Variants in LEMD3 observed in about 807,000 individuals in gnomAD.
LEMD3 encodes the protein inner nuclear membrane protein Man1.
LEMD3 carries 33 observed loss-of-function variants against 95.2 expected under a neutral mutation model. The observed-to-expected ratio is 0.35, with a 90% CI of 0.26 to 0.46. The LOEUF is 0.46. LEMD3 is among the 20% of genes least tolerant of loss of function. The pLI is 1.00. For synonymous variants in LEMD3, 525 were observed against 474.6 expected (o/e 1.11, Z -1.38); for missense variants, 1,210 against 1,192.8 (o/e 1.01, Z -0.21).
chr12:65,209,205 A>G (rs902313018), intron 1 of LEMD3, among the ~76,000 whole-genome samples: 1 of 152,180 alleles, frequency 6.6e-6, no homozygotes, highest in Non-Finnish European at 1.5e-5. Flanking sequence ...TGTGGTGAAC[A>G]TTGATAATTT....
At chr12:65,202,630 A>G (rs1352809503) in intron 1 of LEMD3, among the ~76,000 whole-genome samples, 1 of 152,178 alleles carries the variant, frequency 6.6e-6, no homozygotes, top group East Asian at 1.9e-4. Context: ...AAGATATTGT[A>G]GAGAATTGGT....
At chr12:65,215,942 A>G (rs752834456) in intron 2 of LEMD3, 35 bp from the exon 3 acceptor site, 1 of 839,426 alleles carries the variant, frequency 1.2e-6, no homozygotes, top group South Asian at 1.9e-5. Context: ...TTTTCTTGTA[A>G]TTGGGTATTT....
At chr12:65,214,034 A>C (rs1163447571) in intron 2 of LEMD3, among the ~76,000 whole-genome samples, 1 of 152,190 alleles carries the variant, frequency 6.6e-6, no homozygotes. Flanking sequence ...ATGTATCACA[A>C]ATGCTTAGGT....
intron 4 of LEMD3, among the ~76,000 whole-genome samples, chr12:65,221,541 T>C (rs1233223456): frequency 6.6e-6 from 1 of 151,914 alleles, no homozygotes; most frequent in East Asian, 1.9e-4. Flanking sequence ...ATTTTTTTGG[T>C]GAAATCTTTA....
Position 65,202,098 on chromosome 12 carries a change from T to G in LEMD3, c.1523-8828T>G, listed in dbSNP as rs142687344. ...GCAATCTCGGCTCACTGCAACTTTT[T>G]CCTTCCAGGTTCAAGCAATTCTCCT... On this transcript the variant is annotated intron_variant, in intron 1 of 12. Coordinates refer to ENST00000308330, the MANE Select transcript of LEMD3 (RefSeq NM_014319.5). 5.1e-3 allele frequency among the ~76,000 whole-genome samples: 771 copies of G among 151,748 alleles called. 5 individuals carry two copies. Among genetic ancestry groups the G allele is most frequent in the African/African-American group, 0.017 (696 of 41,394 alleles).
At chr12:65,199,228 A>T (rs897239808) in intron 1 of LEMD3, among the ~76,000 whole-genome samples, 1 of 152,102 alleles carries the variant, frequency 6.6e-6, no homozygotes, top group Non-Finnish European at 1.5e-5. Context: ...TGAGTTGTGG[A>T]TGCTCTATAA....
rs536169661 is a variant in LEMD3 at position 65,191,799 on chromosome 12, C to T, written c.1523-19127C>T. On this transcript the variant is annotated intron_variant, in intron 1 of 12. Coordinates refer to ENST00000308330, the MANE Select transcript of LEMD3 (RefSeq NM_014319.5). ...AATTAGCTGGACGTGGTGGTGCATG[C>T]CTGTGGTCCCGGTTACTCAGAAGGC... 2.8e-4 allele frequency among the ~76,000 whole-genome samples: 43 copies of T among 151,910 alleles called. No homozygotes were observed. The South Asian group carries it at 8.3e-3, about 29-fold the overall frequency.
intron 2 of LEMD3, among the ~76,000 whole-genome samples, chr12:65,212,772 ATTTAC>A (rs1869981702): frequency 6.6e-6 from 1 of 152,194 alleles, no homozygotes; most frequent in Non-Finnish European, 1.5e-5. Context: ...TATTTTATGT[ATTTAC>A]TTGTGGAACT....
chr12:65,180,980 A>G (rs1027330551), intron 1 of LEMD3, among the ~76,000 whole-genome samples: 3 of 151,022 alleles, frequency 2.0e-5, no homozygotes, highest in Non-Finnish European at 4.4e-5. Context: ...ATATCTGAGT[A>G]TGTACACAAA....
At chr12:65,194,623 A>G (rs1207914287) in intron 1 of LEMD3, among the ~76,000 whole-genome samples, 1 of 152,022 alleles carries the variant, frequency 6.6e-6, no homozygotes. Flanking sequence ...CTTAGGCTCT[A>G]CAATACTGAT....
intron 1 of LEMD3, among the ~76,000 whole-genome samples, chr12:65,197,661 A>G (rs1005857596): frequency 9.2e-5 from 14 of 152,136 alleles, no homozygotes; most frequent in Admixed American, 4.6e-4. Context: ...CCAAACATAT[A>G]TATCAGTTTT....
Position 65,201,160 on chromosome 12 carries a change from G to A in LEMD3, c.1523-9766G>A, listed in dbSNP as rs919595164. Among the ~76,000 whole-genome samples the A allele has an allele frequency of 2.6e-5, 4 of 152,112 alleles. No homozygotes were observed. In the South Asian group the frequency reaches 8.3e-4, roughly 32 times the overall value. On this transcript the variant is annotated intron_variant, in intron 1 of 12. Transcript: ENST00000308330. ...TCTGTTCTGTTTCACTGATCTTTTT[G>A]TCTGTTCTTTTACCAATACCACACT...
chr12:65,238,926 A>C (rs1313372243), intron 6 of LEMD3, 112 bp downstream of exon 6: 3 of 936,282 alleles, frequency 3.2e-6, no homozygotes, highest in Non-Finnish European at 5.2e-6. Flanking sequence ...CATAAGTCAC[A>C]GCTAGATGTC....
intron 4 of LEMD3, among the ~76,000 whole-genome samples, chr12:65,231,036 A>G (rs1423023604): frequency 6.6e-6 from 1 of 152,066 alleles, no homozygotes; most frequent in Non-Finnish European, 1.5e-5. Context: ...TTTATGTTTC[A>G]TATTCGGTTT....
At chr12:65,195,480 G>C (rs1869401723) in intron 1 of LEMD3, among the ~76,000 whole-genome samples, 2 of 151,696 alleles carry the variant, frequency 1.3e-5, no homozygotes, top group African/African-American at 4.8e-5. Context: ...AAAGACTGAA[G>C]ATTTTTTATT....
At chr12:65,201,842 C>G (rs1339870802) in intron 1 of LEMD3, among the ~76,000 whole-genome samples, 1 of 152,070 alleles carries the variant, frequency 6.6e-6, no homozygotes, top group African/African-American at 2.4e-5. Context: ...ACAAGACATC[C>G]TTGCTTCATT....
chr12:65,173,972 T>C (rs1868635592), intron 1 of LEMD3, among the ~76,000 whole-genome samples: 1 of 152,176 alleles, frequency 6.6e-6, no homozygotes, highest in East Asian at 1.9e-4. Context: ...TACATACACG[T>C]ATTCCATATC....
chr12:65,227,085 G>T (rs1390284683), intron 4 of LEMD3, among the ~76,000 whole-genome samples: 5 of 152,114 alleles, frequency 3.3e-5, no homozygotes, highest in Non-Finnish European at 7.4e-5. Context: ...ATGATTATAG[G>T]GCTCAGTGTT....
At chr12:65,214,415 G>C (rs977159560) in intron 2 of LEMD3, among the ~76,000 whole-genome samples, 1 of 152,054 alleles carries the variant, frequency 6.6e-6, no homozygotes, top group African/African-American at 2.4e-5. Flanking sequence ...ATATATATAC[G>C]TAGGAAGGCA....
Sources: allele counts gnomAD v4.1 joint callset (sites outside exome capture counted in the v4.1 genomes callset), GRCh38; gene constraint gnomAD v4.1.1; transcripts MANE v1.5; gene names NCBI Gene and HGNC (gene_info 2026-07-23, HGNC 2026-07-21).